The following UNC13C variants were observed in gnomAD, a reference collection of about 807,000 sequenced individuals.
UNC13C encodes the protein protein unc-13 homolog C.
A neutral mutation model predicts 245.4 loss-of-function variants in UNC13C; 174 were observed. That is an observed-to-expected ratio of 0.71 (90% CI 0.63 to 0.80). The LOEUF (loss-of-function observed/expected upper bound fraction) is 0.80, where lower values mean the gene tolerates loss of function less well. Ranked by LOEUF, UNC13C falls within the 30% of genes least tolerant of loss-of-function variation. The probability of loss-of-function intolerance (pLI) is 0.00; values close to 1 mark genes in which losing one functional copy is unlikely to be tolerated. For synonymous variants in UNC13C, 992 were observed against 895.1 expected (o/e 1.11, Z -1.93); for missense variants, 2,829 against 2,602.9 (o/e 1.09, Z -1.89).
the UNC13C span, among the ~76,000 whole-genome samples, chr15:53,894,191 T>A: frequency 1.3e-5 from 2 of 152,176 alleles, no homozygotes; most frequent in African/African-American, 4.8e-5. Flanking sequence ...TCAGTCCCAG[T>A]GAGATGAACT....
the UNC13C span, among the ~76,000 whole-genome samples, chr15:53,943,999 C>A: frequency 4.6e-5 from 7 of 151,924 alleles, no homozygotes; most frequent in Non-Finnish European, 7.4e-5. Flanking sequence ...TTTTAGTGTG[C>A]ATATATTGTT....
chr15:54,013,741 A>G lies in UNC13C; in HGVS notation c.838A>G (p.Ser280Gly), dbSNP rs1895497558. 1.9e-6 allele frequency: 3 copies of G among 1,612,224 alleles called. No individual in the cohort carries two copies. The highest frequency in any genetic ancestry group is 2.5e-6 in the Non-Finnish European group (3 of 1,179,124). The change falls in exon 2 of 33, where the codon AGT becomes GGT. Residue 280 changes from serine (S) to glycine (G), a missense_variant. By Grantham distance (56) the Ser-to-Gly change is moderately conservative (BLOSUM62 0). Coordinates refer to ENST00000260323, the MANE Select transcript of UNC13C (RefSeq NM_001080534.3). ...LKHSIDEISSSVEVVQSEIEQ... is the reference protein window; with the variant it reads ...LKHSIDEISSGVEVVQSEIEQ... ...GCACTCCATCGATGAGATCTCCAGC[A>G]GTGTGGAGGTTGTACAAAGTGAAAT... is the stretch of plus-strand genomic sequence containing the variant.
intron 2 of UNC13C, among the ~76,000 whole-genome samples, chr15:54,066,188 C>A (rs1310613944): frequency 6.6e-6 from 1 of 152,172 alleles, no homozygotes; most frequent in African/African-American, 2.4e-5. Flanking sequence ...ATGCATGGAT[C>A]ATCTGAATTA....
chr15:54,607,994 G>A (rs1042334485), intron 30 of UNC13C, among the ~76,000 whole-genome samples: 6 of 152,024 alleles, frequency 3.9e-5, no homozygotes, highest in African/African-American at 1.4e-4. Flanking sequence ...AAAGGAACAT[G>A]CTCTCCTTGC....
intron 7 of UNC13C, among the ~76,000 whole-genome samples, chr15:54,241,895 T>C (rs2035862845): frequency 6.6e-6 from 1 of 152,152 alleles, no homozygotes; most frequent in African/African-American, 2.4e-5. Flanking sequence ...GACACCAAAG[T>C]AAAGATTATC....
chr15:54,480,630 C>G (rs868333701), intron 19 of UNC13C, among the ~76,000 whole-genome samples: 1 of 151,710 alleles, frequency 6.6e-6, no homozygotes, highest in Non-Finnish European at 1.5e-5. Context: ...CTAATTCATT[C>G]GTATTGTTTA....
chr15:53,929,941 A>G, the UNC13C span, among the ~76,000 whole-genome samples: 2 of 152,340 alleles, frequency 1.3e-5, no homozygotes, highest in East Asian at 1.9e-4. Flanking sequence ...TATTTTAGAT[A>G]TATCTTACTG....
intron 2 of UNC13C, among the ~76,000 whole-genome samples, chr15:54,069,522 C>G (rs566170472): frequency 1.3e-5 from 2 of 152,170 alleles, no homozygotes; most frequent in Non-Finnish European, 2.9e-5. Context: ...CTAAATTGCT[C>G]TCATGTATAT....
the UNC13C span, among the ~76,000 whole-genome samples, chr15:53,880,742 G>T: frequency 6.7e-6 from 1 of 150,012 alleles, no homozygotes; most frequent in Non-Finnish European, 1.5e-5. Flanking sequence ...GAGTCTGAAA[G>T]GGAGTTGTTC....
chr15:53,923,181 G>T, the UNC13C span, among the ~76,000 whole-genome samples: 4 of 152,160 alleles, frequency 2.6e-5, no homozygotes, highest in Admixed American at 1.3e-4. Flanking sequence ...TTTCTGCAAA[G>T]CTGTCCCATT....
intron 17 of UNC13C, among the ~76,000 whole-genome samples, chr15:54,386,712 T>C (rs2039845121): frequency 6.6e-6 from 1 of 152,202 alleles, no homozygotes; most frequent in African/African-American, 2.4e-5. Flanking sequence ...ATTTGTATGT[T>C]CAGTCTTCAT....
intron 30 of UNC13C, among the ~76,000 whole-genome samples, chr15:54,603,518 G>C (rs936154593): frequency 4.6e-5 from 7 of 152,042 alleles, no homozygotes; most frequent in East Asian, 1.9e-4. Flanking sequence ...CTCCAGTGTG[G>C]ATCTATAAGC....
chr15:54,007,135 T>G (rs1314829067), intron 1 of UNC13C, among the ~76,000 whole-genome samples: 1 of 152,228 alleles, frequency 6.6e-6, no homozygotes, highest in African/African-American at 2.4e-5. Context: ...TTATAGGGCA[T>G]TTACTGATGA....
chr15:54,174,096 C>G lies in UNC13C; in HGVS notation c.3071+30412C>G, dbSNP rs189589119. On this transcript the variant is annotated intron_variant, in intron 4 of 32. Transcript: ENST00000260323. ...ATCTGTTTGAATTTGCTAAATGCAA[C>G]TTGTTAATATTCTGTGAAGGATATT... Among the ~76,000 whole-genome samples, 4 of 152,168 alleles carry G rather than the reference C, an allele frequency of 2.6e-5. No homozygotes were observed. The East Asian group carries it at 7.7e-4, about 29-fold the overall frequency.
intron 2 of UNC13C, among the ~76,000 whole-genome samples, chr15:54,080,656 G>T (rs913047583): frequency 6.6e-6 from 1 of 151,890 alleles, no homozygotes; most frequent in Non-Finnish European, 1.5e-5. Context: ...TTGTGGTGTC[G>T]GGTGTGATGA....
intron 4 of UNC13C, among the ~76,000 whole-genome samples, chr15:54,229,842 T>A (rs2035499708): frequency 6.6e-6 from 1 of 152,100 alleles, no homozygotes; most frequent in Non-Finnish European, 1.5e-5. Context: ...AGATCAACAT[T>A]TTTAGGTTGC....
chr15:54,285,783 ATTT>A (rs1289952848), intron 10 of UNC13C, among the ~76,000 whole-genome samples: 1 of 151,926 alleles, frequency 6.6e-6, no homozygotes, highest in African/African-American at 2.4e-5. Context: ...ATATTTTGAT[ATTT>A]TGATATATAC....
chr15:54,368,203 AT>A lies in UNC13C; in HGVS notation c.4714-24844del, dbSNP rs58151458. ...TTTTTGGGCCCATGTTAAACCACAGATGGCACTGAGATGCTATTACTGACTA... is the reference window on the plus strand; with the variant it reads ...TTTTTGGGCCCATGTTAAACCACAGAGGCACTGAGATGCTATTACTGACTA... On this transcript the variant is annotated intron_variant, in intron 17 of 32. Transcript: ENST00000260323. Among the ~76,000 whole-genome samples the A allele has an allele frequency of 4.0e-3, 612 of 152,236 alleles. 26 individuals carry two copies. In the East Asian group the frequency reaches 0.085, roughly 21 times the overall value.
intron 30 of UNC13C, among the ~76,000 whole-genome samples, chr15:54,568,392 C>T (rs944991979): frequency 1.3e-5 from 2 of 152,040 alleles, no homozygotes; most frequent in Admixed American, 6.6e-5. Flanking sequence ...AGGGAAATCT[C>T]ATTTTATGCT....
Sources: allele counts gnomAD v4.1 joint callset (sites outside exome capture counted in the v4.1 genomes callset), GRCh38; gene constraint gnomAD v4.1.1; transcripts MANE v1.5; gene names NCBI Gene and HGNC (gene_info 2026-07-23, HGNC 2026-07-21).